The following SRSF4 variants were observed in gnomAD, a reference collection of about 807,000 sequenced individuals.
The protein encoded by SRSF4 is serine/arginine-rich splicing factor 4.
SRSF4 carries 12 observed loss-of-function variants against 48.8 expected under a neutral mutation model. That is an observed-to-expected ratio of 0.25 (90% CI 0.16 to 0.40). The LOEUF is 0.40. SRSF4 is among the 10% of genes least tolerant of loss of function. The probability of loss-of-function intolerance (pLI) is 1.00; values close to 1 mark genes in which losing one functional copy is unlikely to be tolerated. For synonymous variants in SRSF4, 248 were observed against 232.5 expected, an observed-to-expected ratio of 1.07 and a Z score of -0.61; for missense variants, 466 against 667.1, an observed-to-expected ratio of 0.70 and a Z score of 3.32.
chr1:29,168,647 A>T (rs1380144015), intron 1 of SRSF4: 1 of 152,194 alleles, frequency 6.6e-6, no homozygotes, highest in African/African-American at 2.4e-5. Context: ...GACTAGAAGA[A>T]TAGAGGAAAA....
At position 29,159,464 on chromosome 1, in the gene SRSF4, A is replaced by G; in HGVS notation, c.273T>C (p.Ser91=). Residue 91 remains serine (S), a synonymous_variant, in exon 3 of 6, where the codon AGT becomes AGC. Transcript: ENST00000373795. ...SGRSGYGYRR[S]GRDKYGPPTR... ...TAGGAGGGCCATATTTATCTCGGCCACTTCTTCTATAACCATATCCACCTT... is the reference window on the plus strand; with the variant it reads ...TAGGAGGGCCATATTTATCTCGGCCGCTTCTTCTATAACCATATCCACCTT... The G allele has an allele frequency of 6.2e-7, 1 of 1,613,824 alleles. No individual in the cohort carries two copies. Among genetic ancestry groups the G allele is most frequent in the Non-Finnish European group, 8.5e-7 (1 of 1,179,782 alleles).
At chr1:29,150,370 T>A (rs1672390990) in intron 4 of SRSF4, among the ~76,000 whole-genome samples, 178 bp from the exon 5 acceptor site, 1 of 152,106 alleles carries the variant, frequency 6.6e-6, no homozygotes, top group African/African-American at 2.4e-5. Context: ...GTTCAAGCGA[T>A]TCTCCTGCCT....
rs1672336874 is a variant in SRSF4 at position 29,148,264 on chromosome 1, A to C, written c.*146T>G. The stretch of plus-strand genomic sequence containing the variant: ...GTGCCAGGAGGCTTTACTGAGAGGA[A>C]GCACTTAGATTTAACAATTATAGAC... On this transcript the variant is annotated 3_prime_UTR_variant, in exon 6 of 6. Transcript: ENST00000373795. 2.5e-6 allele frequency: 3 copies of C among 1,178,254 alleles called. No individual in the cohort carries two copies. The highest frequency in any genetic ancestry group is 3.7e-6 in the Non-Finnish European group (3 of 813,654). The allele number at this position is 1,178,254 out of a possible 1,614,324, so 73.0% of individuals were successfully genotyped here. A position where few individuals can be genotyped will look rare whatever the true frequency, so the allele number is the denominator to read the frequency against.
chr1:29,178,512 T>A (rs911241044), intron 1 of SRSF4, among the ~76,000 whole-genome samples: 11 of 151,880 alleles, frequency 7.2e-5, no homozygotes, highest in Non-Finnish European at 1.6e-4. Context: ...CCCGGCTACT[T>A]TTTTTTAATT....
In SRSF4 at chr1:29,181,788, GC is replaced by G. The variant is rs762954980; in HGVS notation, c.-37del. The stretch of plus-strand genomic sequence containing the variant: ...GCAGTGATGGCTGGCCCCGGCCCCA[GC>G]CCCCCTTAGGCGGCGGCGGGCAAAG... On this transcript the variant is annotated 5_prime_UTR_variant, in exon 1 of 6. Transcript: ENST00000373795. 38 of 1,526,090 alleles carry G rather than the reference GC, an allele frequency of 2.5e-5. No homozygotes were observed. Among genetic ancestry groups the G allele is most frequent in the Non-Finnish European group, 3.2e-5 (36 of 1,139,314 alleles). The allele number at this position is 1,526,090 out of a possible 1,614,324, so 94.5% of individuals were successfully genotyped here.
intron 1 of SRSF4, chr1:29,168,829 TTTAA>T (rs1320880147): frequency 6.6e-6 from 1 of 152,316 alleles, no homozygotes; most frequent in East Asian, 1.9e-4. Context: ...TAGGAATGTA[TTTAA>T]TTAGTTTTGC....
chr1:29,154,262 G>A (rs1426899528), intron 4 of SRSF4, among the ~76,000 whole-genome samples: 1 of 151,724 alleles, frequency 6.6e-6, no homozygotes, highest in Non-Finnish European at 1.5e-5. Context: ...ACAAGATTTC[G>A]CCATGTTGGC....
chr1:29,163,973 G>T (rs913182761), intron 1 of SRSF4, among the ~76,000 whole-genome samples: 1 of 152,112 alleles, frequency 6.6e-6, no homozygotes, highest in East Asian at 1.9e-4. Context: ...CCAAGGCTTC[G>T]ACTAACATCA....
intron 4 of SRSF4, among the ~76,000 whole-genome samples, chr1:29,154,048 G>A (rs1382211840): frequency 6.6e-6 from 1 of 151,234 alleles, no homozygotes; most frequent in Non-Finnish European, 1.5e-5. Flanking sequence ...AGGTACGTGC[G>A]CCACCACACC....
At chr1:29,159,732 A>T in intron 2 of SRSF4, 1 of 318,876 alleles carries the variant, frequency 3.1e-6, no homozygotes, top group Non-Finnish European at 5.7e-6. Flanking sequence ...TAACATGCAT[A>T]AATTTAAAAC....
chr1:29,164,390 C>A (rs1558390525), intron 1 of SRSF4, among the ~76,000 whole-genome samples: 1 of 152,258 alleles, frequency 6.6e-6, no homozygotes, highest in Non-Finnish European at 1.5e-5. Flanking sequence ...TTAACACTCC[C>A]TTTGTGCTTT....
In SRSF4 at chr1:29,154,983, A is replaced by T. The variant is rs1574191433; in HGVS notation, c.364-73T>A. 6 of 1,389,770 alleles carry T rather than the reference A, an allele frequency of 4.3e-6. No individual in the cohort carries two copies. In the East Asian group the frequency reaches 1.4e-4, roughly 32 times the overall value. The allele number at this position is 1,389,770 out of a possible 1,614,324, so 86.1% of individuals were successfully genotyped here. A position where few individuals can be genotyped will look rare whatever the true frequency, so the allele number is the denominator to read the frequency against. On this transcript the variant is annotated intron_variant, in intron 3 of 5. Coordinates refer to ENST00000373795, the MANE Select transcript of SRSF4 (RefSeq NM_005626.5). ...ATATCTAATGCAATCATCTGAGTGA[A>T]TTTTTCCTTTAAGAAATGCCAGCAT...
At chr1:29,154,220 C>T (rs192771127) in intron 4 of SRSF4, among the ~76,000 whole-genome samples, 2 of 152,228 alleles carry the variant, frequency 1.3e-5, no homozygotes, top group South Asian at 2.1e-4. Flanking sequence ...GCACCCACCA[C>T]GCCCAACTAA....
intron 5 of SRSF4, among the ~76,000 whole-genome samples, chr1:29,149,642 C>T (rs141517213): frequency 0.015 from 2,255 of 146,908 alleles, 25 homozygotes; most frequent in Non-Finnish European, 0.023. Context: ...GATCGCGCCA[C>T]TGCACTCCAG....
At chr1:29,168,012 C>T (rs1672691430) in intron 1 of SRSF4, among the ~76,000 whole-genome samples, 1 of 133,308 alleles carries the variant, frequency 7.5e-6, no homozygotes, top group Admixed American at 7.7e-5. Flanking sequence ...GTTCTAATTC[C>T]TTTTTTTTTT....
chr1:29,150,715 C>T (rs559858), intron 4 of SRSF4, among the ~76,000 whole-genome samples: 10,778 of 152,178 alleles, frequency 0.071, 408 homozygotes, highest in Middle Eastern at 0.092. Flanking sequence ...TCCCCGATGC[C>T]GGCTCCTTTT....
rs1672968362 is a variant in SRSF4, at chr1:29,181,847, C to CGGGCGGGCGGCG, written c.-107_-96dup. The stretch of plus-strand genomic sequence containing the variant: ...ACGGCGGCAGCGGCGGCGGCGGCAA[C>CGGGCGGGCGGCG]GGGCGGGCGGCGGGACGGACGCAGC... On this transcript the variant is annotated 5_prime_UTR_variant, in exon 1 of 6. Coordinates refer to ENST00000373795, the MANE Select transcript of SRSF4 (RefSeq NM_005626.5). The CGGGCGGGCGGCG allele has an allele frequency of 9.5e-7, 1 of 1,057,194 alleles. No individual in the cohort carries two copies. Among genetic ancestry groups the CGGGCGGGCGGCG allele is most frequent in the South Asian group, 2.3e-5 (1 of 42,828 alleles). The allele number at this position is 1,057,194 out of a possible 1,614,324, so 65.5% of individuals were successfully genotyped here. A position where few individuals can be genotyped will look rare whatever the true frequency, so the allele number is the denominator to read the frequency against.
At chr1:29,170,184 A>G (rs1672727041) in intron 1 of SRSF4, 1 of 152,230 alleles carries the variant, frequency 6.6e-6, no homozygotes, top group Admixed American at 6.5e-5. Context: ...CTTTCAAAAA[A>G]GGGGAATCAA....
At chr1:29,181,283 T>C (rs948974653) in intron 1 of SRSF4, among the ~76,000 whole-genome samples, 2 of 152,216 alleles carry the variant, frequency 1.3e-5, no homozygotes, top group African/African-American at 4.8e-5. Context: ...CGGGAAAGGT[T>C]GGTGTCTACC....
Sources: allele counts gnomAD v4.1 joint callset (sites outside exome capture counted in the v4.1 genomes callset), GRCh38; gene constraint gnomAD v4.1.1; transcripts MANE v1.5; gene names NCBI Gene and HGNC (gene_info 2026-07-23, HGNC 2026-07-21).